Variants in FSTL5 observed in about 807,000 individuals in gnomAD.
FSTL5 encodes follistatin-related protein 5.
FSTL5 carries 62 observed loss-of-function variants against 89.1 expected under a neutral mutation model. That is an observed-to-expected ratio of 0.70 (90% confidence interval 0.57 to 0.86). The LOEUF is 0.86. FSTL5 is among the 40% of genes least tolerant of loss of function. The pLI is 0.00. For missense variants in FSTL5, 1,057 were observed against 1,001.6 expected (o/e 1.06, Z -0.75); for synonymous variants, 383 against 346.2 (o/e 1.11, Z -1.18).
intron 2 of FSTL5, among the ~76,000 whole-genome samples, chr4:162,073,224 T>C (rs1448265452): frequency 2.0e-5 from 3 of 151,800 alleles, no homozygotes; most frequent in African/African-American, 4.8e-5. Flanking sequence ...TAGAACTATA[T>C]GTTTTTAATA....
intron 5 of FSTL5, among the ~76,000 whole-genome samples, chr4:161,760,699 C>T (rs971673162): frequency 2.0e-5 from 3 of 152,164 alleles, no homozygotes; most frequent in Non-Finnish European, 2.9e-5. Context: ...CTGCAGACTT[C>T]CAGACATCAG....
chr4:161,766,022 T>C (rs577204881), intron 5 of FSTL5, among the ~76,000 whole-genome samples: 163 of 152,174 alleles, frequency 1.1e-3, no homozygotes, highest in African/African-American at 3.4e-3. Flanking sequence ...CCCGAACTCC[T>C]TACGTCATGA....
intron 8 of FSTL5, among the ~76,000 whole-genome samples, chr4:161,582,377 C>T (rs544421994): frequency 2.0e-5 from 3 of 152,220 alleles, no homozygotes; most frequent in East Asian, 3.9e-4. Flanking sequence ...CATAAATGTG[C>T]TATTTGGTAG....
At chr4:161,759,601 TG>T in intron 5 of FSTL5, 70 bp from the exon 6 acceptor site, 5 of 979,972 alleles carry the variant, frequency 5.1e-6, no homozygotes, top group African/African-American at 1.7e-5. Flanking sequence ...ATTTATTATA[TG>T]TAATAATCAC....
chr4:161,482,368 T>C (rs1450422331), intron 12 of FSTL5, among the ~76,000 whole-genome samples: 2 of 151,560 alleles, frequency 1.3e-5, no homozygotes, highest in Non-Finnish European at 2.9e-5. Flanking sequence ...AATAATGTAA[T>C]GATAAACAAT....
At chr4:162,021,879 T>C (rs1475971160) in intron 3 of FSTL5, among the ~76,000 whole-genome samples, 3 of 151,676 alleles carry the variant, frequency 2.0e-5, no homozygotes, top group Non-Finnish European at 4.4e-5. Context: ...GATCACGAGG[T>C]CATAAGTTCA....
chr4:162,014,808 T>A (rs1236481544), intron 3 of FSTL5, among the ~76,000 whole-genome samples: 2 of 152,182 alleles, frequency 1.3e-5, no homozygotes, highest in African/African-American at 4.8e-5. Context: ...AGAAAACTGC[T>A]ATCTTTTTAC....
At position 161,385,722 on chromosome 4, in the gene FSTL5, A is replaced by T; in HGVS notation, c.*25T>A. 6.9e-7 allele frequency: 1 copy of T among 1,448,366 alleles called. No individual in the cohort carries two copies. Among genetic ancestry groups the T allele is most frequent in the Non-Finnish European group, 9.4e-7 (1 of 1,063,320 alleles). The allele number at this position is 1,448,366 out of a possible 1,614,324, so 89.7% of individuals were successfully genotyped here. A position where few individuals can be genotyped will look rare whatever the true frequency, so the allele number is the denominator to read the frequency against. ...AGTGCAATGTATTGTAAAACGCTTC[A>T]TTCAATAATTGTATCGTAGGGTTTT... On this transcript the variant is annotated 3_prime_UTR_variant, in exon 16 of 16. Transcript: ENST00000306100.
intron 4 of FSTL5, among the ~76,000 whole-genome samples, chr4:161,809,996 T>A (rs1016099502): frequency 6.6e-6 from 1 of 152,126 alleles, no homozygotes; most frequent in African/African-American, 2.4e-5. Context: ...GATATCATGG[T>A]TTGAATCAAA....
intron 2 of FSTL5, among the ~76,000 whole-genome samples, chr4:162,069,702 G>A (rs1729523863): frequency 6.6e-6 from 1 of 151,890 alleles, no homozygotes; most frequent in African/African-American, 2.4e-5. Flanking sequence ...GCTCAACCAT[G>A]TTGTCACGAA....
intron 3 of FSTL5, among the ~76,000 whole-genome samples, chr4:161,967,215 G>A (rs1735354695): frequency 6.6e-6 from 1 of 151,968 alleles, no homozygotes; most frequent in Admixed American, 6.6e-5. Context: ...TTGTCCAGAG[G>A]CACAGCTGAT....
chr4:161,411,447 T>C (rs1731587711), intron 15 of FSTL5, among the ~76,000 whole-genome samples: 1 of 151,730 alleles, frequency 6.6e-6, no homozygotes, highest in African/African-American at 2.4e-5. Context: ...AACAAAATAC[T>C]AGCAAATAAA....
intron 4 of FSTL5, among the ~76,000 whole-genome samples, chr4:161,842,775 T>C (rs1260009657): frequency 6.6e-6 from 1 of 152,158 alleles, no homozygotes; most frequent in Non-Finnish European, 1.5e-5. Context: ...AATACTTTTC[T>C]CTGAAGTTCA....
chr4:161,476,032 T>C (rs1189129193), intron 13 of FSTL5, among the ~76,000 whole-genome samples: 9 of 151,346 alleles, frequency 5.9e-5, no homozygotes, highest in Non-Finnish European at 1.0e-4. Flanking sequence ...GGATTACAGG[T>C]GATTCTGTTT....
intron 3 of FSTL5, among the ~76,000 whole-genome samples, chr4:161,971,446 T>C (rs1735480996): frequency 1.3e-5 from 2 of 152,116 alleles, no homozygotes; most frequent in Admixed American, 1.3e-4. Flanking sequence ...TATTCACATC[T>C]ATTAATTATA....
chr4:161,597,442 A>T (rs1734057453), intron 7 of FSTL5, among the ~76,000 whole-genome samples: 1 of 133,872 alleles, frequency 7.5e-6, no homozygotes, highest in Non-Finnish European at 1.6e-5. Flanking sequence ...CAACACTTGG[A>T]CACAGGAAGG....
intron 3 of FSTL5, among the ~76,000 whole-genome samples, chr4:161,993,998 A>G (rs1736215537): frequency 1.3e-5 from 2 of 152,070 alleles, no homozygotes; most frequent in Admixed American, 1.3e-4. Flanking sequence ...TCACCCAGGT[A>G]TTAAGCCTAG....
chr4:162,064,155 T>C (rs1738811533), intron 2 of FSTL5, among the ~76,000 whole-genome samples: 1 of 152,178 alleles, frequency 6.6e-6, no homozygotes, highest in African/African-American at 2.4e-5. Context: ...TATGCTTGTA[T>C]GCATTTCTGC....
rs573513116 is a variant in FSTL5, at chr4:161,864,866, G to A, written c.409+55538C>T. ...CGGGCTGACGACAGAGCAAGACTTC[G>A]TCTCAAAAAAAAAAAAAAAAAAAAG... On this transcript the variant is annotated intron_variant, in intron 4 of 15. Coordinates refer to ENST00000306100, the MANE Select transcript of FSTL5 (RefSeq NM_020116.5). Among the ~76,000 whole-genome samples, 6 of 55,824 alleles carry A rather than the reference G, an allele frequency of 1.1e-4. No individual in the cohort carries two copies. The East Asian group carries it at 2.1e-3, about 20-fold the overall frequency. 36.6% of individuals were successfully genotyped at this position (55,824 alleles called of 152,430 possible).
Sources: allele counts gnomAD v4.1 joint callset (sites outside exome capture counted in the v4.1 genomes callset), GRCh38; gene constraint gnomAD v4.1.1; transcripts MANE v1.5; gene names NCBI Gene and HGNC (gene_info 2026-07-23, HGNC 2026-07-21).